CHLSN: variants seen among roughly 807,000 people sequenced by gnomAD.
CHLSN encodes cholesin, also known as protein cholesin.
At chr7:1,066,401 C>T in the CHLSN span, among the ~76,000 whole-genome samples, 4 of 152,272 alleles carry the variant, frequency 2.6e-5, no homozygotes, top group African/African-American at 7.2e-5. Flanking sequence ...CAGCTCCGGG[C>T]CATGCTGAGG....
chr7:1,092,593 C>A, the CHLSN span: 2 of 1,611,528 alleles, frequency 1.2e-6, no homozygotes, highest in Non-Finnish European at 1.7e-6. Context: ...GCGGACGCAG[C>A]CTGGGGCCGC....
the CHLSN span, among the ~76,000 whole-genome samples, chr7:1,000,920 T>C: frequency 6.6e-6 from 1 of 152,196 alleles, no homozygotes; most frequent in African/African-American, 2.4e-5. Flanking sequence ...ATTGATGATG[T>C]ATTTTCTACA....
chr7:985,957 A>C, the CHLSN span, among the ~76,000 whole-genome samples: 16 of 151,906 alleles, frequency 1.1e-4, no homozygotes, highest in Non-Finnish European at 2.2e-4. Context: ...CACAGCTTCC[A>C]CCCGTCCTAG....
At chr7:1,059,249 CAAAAG>C in the CHLSN span, 1 of 166,760 alleles carries the variant, frequency 6.0e-6, no homozygotes, top group African/African-American at 2.4e-5. Flanking sequence ...TATAAATAAA[CAAAAG>C]AAAGGTGTGT....
the CHLSN span, among the ~76,000 whole-genome samples, chr7:1,117,539 C>A: frequency 7.1e-6 from 1 of 141,190 alleles, no homozygotes; most frequent in African/African-American, 2.9e-5. Context: ...GCTCTAGGAC[C>A]GGCTTCCATC....
chr7:1,006,674 G>A, the CHLSN span, among the ~76,000 whole-genome samples: 1 of 149,440 alleles, frequency 6.7e-6, no homozygotes, highest in Non-Finnish European at 1.5e-5. Flanking sequence ...ACAGCGCGGG[G>A]AAAGAGCGCA....
At chr7:1,115,739 C>A in the CHLSN span, among the ~76,000 whole-genome samples, 2 of 119,480 alleles carry the variant, frequency 1.7e-5, no homozygotes, top group East Asian at 4.5e-4. Flanking sequence ...ATCACCGACG[C>A]CCACGCAGGA....
the CHLSN span, chr7:1,058,808 T>A: frequency 9.0e-6 from 4 of 444,494 alleles, no homozygotes; most frequent in Non-Finnish European, 1.7e-5. Flanking sequence ...AGCATTCAGT[T>A]TGTCAATGAA....
At chr7:1,055,724 G>A in the CHLSN span, among the ~76,000 whole-genome samples, 2 of 152,130 alleles carry the variant, frequency 1.3e-5, no homozygotes, top group African/African-American at 4.8e-5. Flanking sequence ...GGCCGGGTGT[G>A]CCCTCCTGTC....
At chr7:980,263 C>A in the CHLSN span, among the ~76,000 whole-genome samples, 1 of 151,796 alleles carries the variant, frequency 6.6e-6, no homozygotes, top group African/African-American at 2.4e-5. Flanking sequence ...GCAGGCAGGA[C>A]CTGAGCCAGC....
chr7:1,107,241 C>T, the CHLSN span, among the ~76,000 whole-genome samples: 1 of 152,210 alleles, frequency 6.6e-6, no homozygotes, highest in Non-Finnish European at 1.5e-5. Flanking sequence ...TATCCCCAAG[C>T]TCAGTGGGCA....
chr7:990,445 C>T, the CHLSN span, among the ~76,000 whole-genome samples: 1 of 152,032 alleles, frequency 6.6e-6, no homozygotes, highest in African/African-American at 2.4e-5. Context: ...CAGCGCTGAC[C>T]ATGCACGTGA....
chr7:1,022,728 A>G, the CHLSN span, among the ~76,000 whole-genome samples: 26 of 152,158 alleles, frequency 1.7e-4, no homozygotes, highest in African/African-American at 6.3e-4. Context: ...AAGCTCTCAA[A>G]TTCTTTAAAG....
the CHLSN span, chr7:1,092,813 A>G: frequency 6.2e-7 from 1 of 1,613,378 alleles, no homozygotes. Context: ...GTCATTCCAG[A>G]CAGCACCGAG....
chr7:1,102,977 G>A, the CHLSN span, among the ~76,000 whole-genome samples: 6 of 152,218 alleles, frequency 3.9e-5, no homozygotes, highest in Non-Finnish European at 7.3e-5. Context: ...GGAGCGGGAA[G>A]AGAGAGACAC....
chr7:1,065,543 C>T, the CHLSN span, among the ~76,000 whole-genome samples: 6 of 152,302 alleles, frequency 3.9e-5, no homozygotes, highest in Non-Finnish European at 5.9e-5. Flanking sequence ...CATGCAGCTG[C>T]GGGGACACAG....
chr7:993,202 C>A, the CHLSN span, among the ~76,000 whole-genome samples: 1 of 152,178 alleles, frequency 6.6e-6, no homozygotes, highest in African/African-American at 2.4e-5. Context: ...CTGACCCAGA[C>A]AGGGCAGGGG....
the CHLSN span, among the ~76,000 whole-genome samples, chr7:1,008,895 C>CGCACACGT: frequency 4.3e-5 from 3 of 70,308 alleles, no homozygotes; most frequent in African/African-American, 2.4e-4. Flanking sequence ...TATACACATG[C>CGCACACGT]ACACACGTAC....
the CHLSN span, chr7:983,375 C>A: frequency 2.6e-6 from 4 of 1,520,020 alleles, no homozygotes; most frequent in Non-Finnish European, 3.5e-6. Flanking sequence ...CAGGACCGGT[C>A]CCTGATGGAG....
Sources: allele counts gnomAD v4.1 joint callset (sites outside exome capture counted in the v4.1 genomes callset), GRCh38; gene constraint gnomAD v4.1.1; transcripts MANE v1.5; gene names NCBI Gene and HGNC (gene_info 2026-07-23, HGNC 2026-07-21).